The following KLF8 variants were observed in gnomAD, a reference collection of about 807,000 sequenced individuals.
The protein encoded by KLF8 is Krueppel-like factor 8.
Under a neutral mutation model 18.2 loss-of-function variants are expected in KLF8, and 10 were observed. The observed-to-expected ratio is 0.55, with a 90% CI of 0.34 to 0.93. KLF8 has a LOEUF of 0.93. KLF8 is among the 40% of genes least tolerant of loss of function. The pLI is 0.02. For synonymous variants in KLF8, 109 were observed against 97.3 expected (o/e 1.12, Z -0.71); for missense variants, 264 against 277.9 (o/e 0.95, Z 0.36).
the KLF8 span, among the ~76,000 whole-genome samples, chrX:56,128,064 G>C: frequency 1.8e-5 from 2 of 111,917 alleles, no homozygotes; most frequent in Non-Finnish European, 1.9e-5. Flanking sequence ...TGAACATTCA[G>C]TAAGCAACTG....
intron 1 of KLF8, among the ~76,000 whole-genome samples, chrX:56,244,238 G>C (rs2066592112): frequency 1.8e-5 from 2 of 111,130 alleles, no homozygotes; most frequent in South Asian, 7.7e-4. Flanking sequence ...TTTGAAACAG[G>C]GTCTCTCTGC....
At chrX:56,079,367 A>C in the KLF8 span, among the ~76,000 whole-genome samples, 1 of 111,046 alleles carries the variant, frequency 9.0e-6, no homozygotes, top group Non-Finnish European at 1.9e-5. Flanking sequence ...GTTTCAAAGA[A>C]CATCTTTATT....
the KLF8 span, among the ~76,000 whole-genome samples, chrX:56,013,690 G>A: frequency 9.0e-6 from 1 of 110,907 alleles, no homozygotes; most frequent in African/African-American, 3.3e-5. Context: ...GTTTTCTAAC[G>A]GGCTTCCCCC....
the KLF8 span, among the ~76,000 whole-genome samples, chrX:56,150,002 G>T: frequency 9.0e-6 from 1 of 111,655 alleles, no homozygotes; most frequent in Non-Finnish European, 1.9e-5. Flanking sequence ...TTAAGCACTG[G>T]GTTCACCAAA....
At chrX:55,971,602 T>C in the KLF8 span, among the ~76,000 whole-genome samples, 1 of 109,595 alleles carries the variant, frequency 9.1e-6, no homozygotes, top group African/African-American at 3.3e-5. Context: ...AAGGAAACAA[T>C]CAACGAAATG....
the KLF8 span, among the ~76,000 whole-genome samples, chrX:55,991,416 C>G: frequency 8.9e-6 from 1 of 112,114 alleles, no homozygotes; most frequent in South Asian, 3.7e-4. Flanking sequence ...CTTTCTTTGA[C>G]TAGGAAAGGG....
chrX:55,937,306 T>C, the KLF8 span, among the ~76,000 whole-genome samples: 1 of 112,045 alleles, frequency 8.9e-6, no homozygotes, highest in African/African-American at 3.2e-5. Flanking sequence ...AACCTGCAGC[T>C]GAGGGTCCTG....
the KLF8 span, among the ~76,000 whole-genome samples, chrX:56,044,489 A>G: frequency 8.9e-6 from 1 of 112,412 alleles, no homozygotes; most frequent in South Asian, 3.7e-4. Flanking sequence ...CTTTGTCCAT[A>G]GCAATCTGCC....
the KLF8 span, among the ~76,000 whole-genome samples, chrX:55,983,456 C>A: frequency 9.0e-6 from 1 of 111,677 alleles, no homozygotes; most frequent in Non-Finnish European, 1.9e-5. Context: ...CCACCAACTT[C>A]ATCTCTTAGT....
At chrX:56,238,774 T>C (rs904953011) in intron 1 of KLF8, among the ~76,000 whole-genome samples, 1 of 111,862 alleles carries the variant, frequency 8.9e-6, no homozygotes, top group Admixed American at 9.5e-5. Context: ...CTCTCTACTC[T>C]GAGGACCACT....
At chrX:56,106,741 A>G in the KLF8 span, among the ~76,000 whole-genome samples, 1 of 112,203 alleles carries the variant, frequency 8.9e-6, no homozygotes, top group Admixed American at 9.4e-5. Flanking sequence ...TTCTCTGTCC[A>G]GCTTTGTTCC....
the KLF8 span, among the ~76,000 whole-genome samples, chrX:56,093,943 GTGTGTGTA>G: frequency 8.8e-4 from 92 of 105,115 alleles, no homozygotes; most frequent in African/African-American, 2.8e-3. Context: ...GTGTGTGTGT[GTGTGTGTA>G]TGAGAGAGAA....
the KLF8 span, among the ~76,000 whole-genome samples, chrX:56,218,357 T>C: frequency 2.7e-5 from 3 of 110,778 alleles, no homozygotes; most frequent in African/African-American, 9.9e-5. Context: ...GTAACAGATA[T>C]ATCTTGGGGT....
chrX:56,021,924 G>T, the KLF8 span, among the ~76,000 whole-genome samples: 1 of 107,070 alleles, frequency 9.3e-6, no homozygotes, highest in Non-Finnish European at 1.9e-5. Context: ...TGAAAATTGG[G>T]TAATTGATGT....
chrX:56,029,558 C>T, the KLF8 span, among the ~76,000 whole-genome samples: 1 of 111,640 alleles, frequency 9.0e-6, no homozygotes, highest in Non-Finnish European at 1.9e-5. Flanking sequence ...TCCTTGACCC[C>T]TATTGTCATC....
chrX:56,198,162 C>A, the KLF8 span, among the ~76,000 whole-genome samples: 1 of 111,797 alleles, frequency 8.9e-6, no homozygotes, highest in Non-Finnish European at 1.9e-5. Context: ...GGAAGCATTC[C>A]CTTTGAAAAC....
At chrX:56,207,519 A>G in the KLF8 span, among the ~76,000 whole-genome samples, 1 of 111,549 alleles carries the variant, frequency 9.0e-6, no homozygotes, top group African/African-American at 3.3e-5. Flanking sequence ...TCAAAGTTCC[A>G]CAGATCTCTA....
intron 5 of KLF8, among the ~76,000 whole-genome samples, chrX:56,276,628 A>G (rs958975546): frequency 9.0e-6 from 1 of 111,002 alleles, no homozygotes; most frequent in Non-Finnish European, 1.9e-5. Context: ...AGATATTGGA[A>G]CTCCAGTGTA....
At chrX:56,202,891 G>A in the KLF8 span, among the ~76,000 whole-genome samples, 2 of 111,033 alleles carry the variant, frequency 1.8e-5, no homozygotes, top group Admixed American at 1.9e-4. Flanking sequence ...CAAACATAGA[G>A]GTTCAGATAT....
Sources: gnomAD v4.1 joint callset for allele counts (sites outside exome capture counted in the v4.1 genomes callset) on GRCh38, gnomAD v4.1.1 for gene constraint, MANE v1.5 for transcripts, NCBI Gene and HGNC (gene_info 2026-07-23, HGNC 2026-07-21) for gene names.